Variants in PRICKLE2 observed in about 807,000 individuals in gnomAD.
The protein encoded by PRICKLE2 is prickle-like protein 2.
Under a neutral mutation model 81.4 loss-of-function variants are expected in PRICKLE2, and 21 were observed. That is an observed-to-expected ratio of 0.26 (90% CI 0.18 to 0.37). The LOEUF is 0.37. Ranked by LOEUF, PRICKLE2 falls within the 10% of genes least tolerant of loss-of-function variation. The probability of loss-of-function intolerance (pLI) is 1.00; values close to 1 mark genes in which losing one functional copy is unlikely to be tolerated. For synonymous variants in PRICKLE2, 456 were observed against 421.5 expected (o/e 1.08, Z -1.00); for missense variants, 940 against 1,109.0 (o/e 0.85, Z 2.16).
At chr3:64,259,976 T>C (rs914649961) in intron 2 of PRICKLE2, among the ~76,000 whole-genome samples, 4 of 152,138 alleles carry the variant, frequency 2.6e-5, no homozygotes, top group African/African-American at 9.7e-5. Context: ...TCCCTAAGCA[T>C]AACACAGCAG....
At chr3:64,243,169 A>C (rs933115755) in intron 2 of PRICKLE2, among the ~76,000 whole-genome samples, 3 of 152,236 alleles carry the variant, frequency 2.0e-5, no homozygotes, top group Non-Finnish European at 2.9e-5. Context: ...ACAGCTTTTT[A>C]AAAAATTGTC....
At chr3:64,106,494 T>TA (rs2076757871) in intron 7 of PRICKLE2, among the ~76,000 whole-genome samples, 1 of 152,206 alleles carries the variant, frequency 6.6e-6, no homozygotes, top group East Asian at 1.9e-4. Context: ...TTGTATGGAT[T>TA]AATGAATTTG....
chr3:64,153,574 A>G, intron 5 of PRICKLE2: 1 of 571,002 alleles, frequency 1.8e-6, no homozygotes, highest in East Asian at 3.0e-5. Flanking sequence ...ATTAAACATG[A>G]TTTCTGGCCT....
intron 7 of PRICKLE2, among the ~76,000 whole-genome samples, chr3:64,144,457 G>A (rs972353630): frequency 3.9e-5 from 6 of 152,224 alleles, no homozygotes; most frequent in Non-Finnish European, 7.3e-5. Flanking sequence ...ATAAAGGTTA[G>A]GTGGATACAT....
intron 1 of PRICKLE2, among the ~76,000 whole-genome samples, chr3:64,207,425 C>T (rs985704259): frequency 6.6e-6 from 1 of 152,036 alleles, no homozygotes; most frequent in Non-Finnish European, 1.5e-5. Context: ...TCCTCTTTTC[C>T]CTTAGTGTTA....
At chr3:64,134,864 T>C (rs965294527) in intron 7 of PRICKLE2, among the ~76,000 whole-genome samples, 1 of 152,226 alleles carries the variant, frequency 6.6e-6, no homozygotes, top group African/African-American at 2.4e-5. Flanking sequence ...TTTCCAGCTA[T>C]GAGCTCAATC....
At chr3:64,157,515 G>T (rs1395458253) in intron 4 of PRICKLE2, 150 bp from the exon 5 acceptor site, 13 of 820,488 alleles carry the variant, frequency 1.6e-5, no homozygotes, top group Non-Finnish European at 2.4e-5. Flanking sequence ...AGGCAGCAGG[G>T]CAGGTTTTTC....
At chr3:64,163,879 C>T (rs1440548034) in intron 2 of PRICKLE2, 2 of 140,056 alleles carry the variant, frequency 1.4e-5, no homozygotes, top group Non-Finnish European at 3.0e-5. Flanking sequence ...ACATGCAAAA[C>T]TAGAGAGAAA....
At chr3:64,159,317 C>G (rs1025177969) in intron 4 of PRICKLE2, among the ~76,000 whole-genome samples, 1 of 152,362 alleles carries the variant, frequency 6.6e-6, no homozygotes, top group South Asian at 2.1e-4. Flanking sequence ...AAATGGCTCT[C>G]GTTCTGGGAT....
chr3:64,103,524 G>A (rs1321397901), intron 7 of PRICKLE2: 1 of 152,148 alleles, frequency 6.6e-6, no homozygotes, highest in African/African-American at 2.4e-5. Flanking sequence ...GTGGGAGGAG[G>A]GGGTATGAAG....
intron 1 of PRICKLE2, among the ~76,000 whole-genome samples, chr3:64,206,605 G>A (rs936723855): frequency 6.6e-6 from 1 of 152,144 alleles, no homozygotes; most frequent in Non-Finnish European, 1.5e-5. Flanking sequence ...TGTGGTGTGG[G>A]CTCCTCTGTC....
At chr3:64,227,087 T>C (rs1379611387), upstream of PRICKLE2, among the ~76,000 whole-genome samples, 3 of 152,250 alleles carry the variant, frequency 2.0e-5, no homozygotes, top group Non-Finnish European at 4.4e-5. Flanking sequence ...TGTATGTAAT[T>C]GTATTAATAA....
At chr3:64,225,693 G>A (rs1168512288), upstream of PRICKLE2, among the ~76,000 whole-genome samples, 1 of 152,048 alleles carries the variant, frequency 6.6e-6, no homozygotes, top group African/African-American at 2.4e-5. Context: ...CATATAAGAA[G>A]AGAGGCTTTA....
chr3:64,124,781 T>C (rs552569657), intron 7 of PRICKLE2, among the ~76,000 whole-genome samples: 213 of 152,340 alleles, frequency 1.4e-3, no homozygotes, highest in African/African-American at 4.9e-3. Flanking sequence ...TTACCACTTA[T>C]TGACAATGCA....
rs990410722 is a variant in PRICKLE2, at chr3:64,093,869, T to C, written c.*5182A>G. ...GAGGGCTGAGAAGAATGGCAACATT[T>C]CTTTTATTCAAATTTTATTGGAAGT... On this transcript the variant is annotated 3_prime_UTR_variant, in exon 8 of 8. Transcript: ENST00000638394. 2.6e-5 allele frequency: 4 copies of C among 152,386 alleles called. No homozygotes were observed. The highest frequency in any genetic ancestry group is 6.5e-5 in the Admixed American group (1 of 15,292). 9.4% of individuals were successfully genotyped at this position (152,386 alleles called of 1,614,324 possible). A position where few individuals can be genotyped will look rare whatever the true frequency, so the allele number is the denominator to read the frequency against.
At chr3:64,240,350 C>T (rs1310249188) in intron 2 of PRICKLE2, among the ~76,000 whole-genome samples, 1 of 152,154 alleles carries the variant, frequency 6.6e-6, no homozygotes, top group East Asian at 1.9e-4. Context: ...CAAGCTACAG[C>T]TCCTCTGCAT....
At chr3:64,232,226 C>T (rs2079115206) in intron 2 of PRICKLE2, among the ~76,000 whole-genome samples, 1 of 152,212 alleles carries the variant, frequency 6.6e-6, no homozygotes, top group Non-Finnish European at 1.5e-5. Context: ...CTCTCTCTTA[C>T]TAACCAGACT....
intron 7 of PRICKLE2, among the ~76,000 whole-genome samples, chr3:64,128,337 G>T (rs1194722882): frequency 6.6e-6 from 1 of 152,214 alleles, no homozygotes; most frequent in Non-Finnish European, 1.5e-5. Context: ...CTGTTAACAG[G>T]ATGCAGTGAT....
chr3:64,161,845 C>G (rs1220696409), intron 3 of PRICKLE2, among the ~76,000 whole-genome samples: 1 of 152,124 alleles, frequency 6.6e-6, no homozygotes. Flanking sequence ...GCACACCCTT[C>G]CTGCTTGTAA....
Sources: allele counts gnomAD v4.1 joint callset (sites outside exome capture counted in the v4.1 genomes callset), GRCh38; gene constraint gnomAD v4.1.1; transcripts MANE v1.5; gene names NCBI Gene and HGNC (gene_info 2026-07-23, HGNC 2026-07-21).